Variants in EXT1 observed in about 807,000 individuals in gnomAD.
EXT1 encodes exostosin-1.
In EXT1, 20 loss-of-function variants were observed where a neutral mutation model predicts 82.5. The observed-to-expected ratio is 0.24, with a 90% confidence interval of 0.17 to 0.35. The LOEUF is 0.35. Among genes scored for constraint, EXT1 ranks in the 10% least tolerant of loss-of-function variants. EXT1 has a pLI of 1.00. For synonymous variants in EXT1, 348 were observed against 350.8 expected (o/e 0.99, Z 0.09); for missense variants, 757 against 936.5 (o/e 0.81, Z 2.50).
In EXT1 at chr8:117,812,889, C is replaced by T. The variant is rs1428345482; in HGVS notation, c.1705G>A (p.Val569Met). 8 of 1,614,034 alleles carry T rather than the reference C, an allele frequency of 5.0e-6. No homozygotes were observed. The South Asian group carries it at 8.8e-5, about 18-fold the overall frequency. ...DAVLSLDEDT[V>M]LSTTEVDFAF... is the part of the protein sequence containing the mutation. The stretch of plus-strand genomic sequence containing the variant: ...GTTCTTACCTCTGTTGTTGAAAGCA[C>T]CGTGTCCTCGTCAAGGCTGAGCACG... The change falls in exon 8 of 11, where the codon GTG becomes ATG. Residue 569 changes from valine to methionine, a missense_variant. Transcript: ENST00000378204.
At chr8:117,802,474 G>C (rs1208715184) in intron 10 of EXT1, among the ~76,000 whole-genome samples, 1 of 152,038 alleles carries the variant, frequency 6.6e-6, no homozygotes, top group African/African-American at 2.4e-5. Context: ...GAAATGTTTA[G>C]ATACACAAAT....
intron 1 of EXT1, among the ~76,000 whole-genome samples, chr8:117,981,756 T>A (rs1815208700): frequency 6.7e-6 from 1 of 149,226 alleles, no homozygotes; most frequent in South Asian, 2.1e-4. Flanking sequence ...CAGGCACCTA[T>A]AATCCCAGCT....
chr8:117,820,997 C>G lies in EXT1; in HGVS notation c.1418-1203G>C, dbSNP rs1215908968. On this transcript the variant is annotated intron_variant, in intron 5 of 10. Coordinates refer to ENST00000378204, the MANE Select transcript of EXT1 (RefSeq NM_000127.3). Reference sequence around the variant, plus strand: ...AGACAGAAGTGAGATGGCTTCCCCCCAAGGAGTTTTCCCATAAGAACTCAC... The same window carrying G: ...AGACAGAAGTGAGATGGCTTCCCCCGAAGGAGTTTTCCCATAAGAACTCAC... 2.0e-5 allele frequency among the ~76,000 whole-genome samples: 3 copies of G among 152,164 alleles called. No homozygotes were observed. In the South Asian group the frequency reaches 6.2e-4, roughly 31 times the overall value.
chr8:117,925,254 A>G (rs909857440), intron 1 of EXT1, among the ~76,000 whole-genome samples: 3 of 152,180 alleles, frequency 2.0e-5, no homozygotes, highest in African/African-American at 7.2e-5. Flanking sequence ...GATCTGTGAC[A>G]ACAGGAGCTG....
intron 1 of EXT1, among the ~76,000 whole-genome samples, chr8:117,844,496 C>T (rs1356779616): frequency 6.6e-6 from 1 of 152,032 alleles, no homozygotes; most frequent in Admixed American, 6.6e-5. Context: ...TTACAGCATG[C>T]AGTCGTACGG....
chr8:117,804,684 G>C (rs1411705631), intron 10 of EXT1, 38 bp downstream of exon 10: 1 of 1,612,096 alleles, frequency 6.2e-7, no homozygotes, highest in East Asian at 2.2e-5. Flanking sequence ...TGAACCACCA[G>C]TGAGTGAAGC....
intron 9 of EXT1, among the ~76,000 whole-genome samples, chr8:117,805,854 C>A (rs1823228876): frequency 6.6e-6 from 1 of 152,154 alleles, no homozygotes. Context: ...CTTTAAAGAC[C>A]AAATATATGC....
At chr8:117,930,387 T>C (rs915110806) in intron 1 of EXT1, among the ~76,000 whole-genome samples, 5 of 148,114 alleles carry the variant, frequency 3.4e-5, no homozygotes, top group African/African-American at 1.3e-4. Flanking sequence ...ACTTTATTCA[T>C]ATATCAAAAA....
chr8:117,995,758 C>T (rs1326018913), intron 1 of EXT1, among the ~76,000 whole-genome samples: 1 of 152,128 alleles, frequency 6.6e-6, no homozygotes, highest in Admixed American at 6.5e-5. Flanking sequence ...CTCTGCTTAC[C>T]ATGTATTATC....
At chr8:117,808,402 G>A (rs1265881700) in intron 8 of EXT1, among the ~76,000 whole-genome samples, 2 of 152,178 alleles carry the variant, frequency 1.3e-5, no homozygotes, top group South Asian at 2.1e-4. Context: ...TAAGATATAA[G>A]TTCAAGTAAT....
intron 1 of EXT1, among the ~76,000 whole-genome samples, chr8:117,853,213 G>T (rs1812485066): frequency 6.6e-6 from 1 of 152,160 alleles, no homozygotes. Context: ...GCAAAACAAA[G>T]GTTAGGACTC....
intron 1 of EXT1, among the ~76,000 whole-genome samples, chr8:117,916,839 A>C (rs1813763079): frequency 6.6e-6 from 1 of 152,110 alleles, no homozygotes; most frequent in African/African-American, 2.4e-5. Flanking sequence ...TCCAGAAGGC[A>C]GAGGTTGCCT....
rs1364178278 is a variant in EXT1, at chr8:117,830,229, C to T, written c.1284+1G>A. 1 of 1,613,816 alleles carries T rather than the reference C, an allele frequency of 6.2e-7. No individual in the cohort carries two copies. Among genetic ancestry groups the T allele is most frequent in the Non-Finnish European group, 8.5e-7 (1 of 1,179,964 alleles). ...CCCAAGAGCCAAGTGGTCTCACTTA[C>T]CTCTAGTGTAGTTAATACAATCTTC... is the stretch of plus-strand genomic sequence containing the variant. On this transcript the variant is annotated splice_donor_variant, in intron 4 of 10. Coordinates refer to ENST00000378204, the MANE Select transcript of EXT1 (RefSeq NM_000127.3). LOFTEE classifies it high-confidence loss of function.
chr8:117,818,478 G>C lies in EXT1; in HGVS notation c.1589C>G (p.Pro530Arg), dbSNP rs762747719. Residue 530 changes from proline (P) to arginine (R), a missense_variant, in exon 7 of 11, where the codon CCT (proline) becomes CGT (arginine). Pro to Arg is a moderately radical substitution (Grantham distance 103). This residue lies in a region of EXT1 where 207 missense variants were observed against 224.2 expected (regional missense o/e 0.92). Coordinates refer to ENST00000378204, the MANE Select transcript of EXT1 (RefSeq NM_000127.3). ...GACGACGACAGGCACAGCAGTGGCA[G>C]GCCAGCGGTGTTTGGCTGGTAGGGG... ...DKPLPAKHRWPATAVPVVVIE... is the reference protein window; with the variant it reads ...DKPLPAKHRWRATAVPVVVIE... 1 of 1,614,140 alleles carries C rather than the reference G, an allele frequency of 6.2e-7. No individual in the cohort carries two copies. Among genetic ancestry groups the C allele is most frequent in the South Asian group, 1.1e-5 (1 of 91,084 alleles).
At chr8:117,991,609 T>C (rs1051040312) in intron 1 of EXT1, among the ~76,000 whole-genome samples, 1 of 152,196 alleles carries the variant, frequency 6.6e-6, no homozygotes, top group Admixed American at 6.5e-5. Flanking sequence ...TCACCTAGGC[T>C]GGAGCGCAGT....
chr8:117,972,485 T>A (rs1814963218), intron 1 of EXT1, among the ~76,000 whole-genome samples: 1 of 152,162 alleles, frequency 6.6e-6, no homozygotes, highest in African/African-American at 2.4e-5. Flanking sequence ...TGAAGAGGTG[T>A]CAGGAGAGCA....
chr8:117,850,587 T>TA (rs541277606), intron 1 of EXT1, among the ~76,000 whole-genome samples: 42 of 152,196 alleles, frequency 2.8e-4, no homozygotes, highest in Non-Finnish European at 3.4e-4. Context: ...TGTAGTGCCA[T>TA]AAAAAATGGA....
chr8:117,928,363 A>T (rs1045615417), intron 1 of EXT1, among the ~76,000 whole-genome samples: 2 of 152,222 alleles, frequency 1.3e-5, no homozygotes, highest in Non-Finnish European at 2.9e-5. Flanking sequence ...GGCATGTAAC[A>T]AATATTTGGT....
At chr8:117,840,797 A>G (rs1812263528) in intron 1 of EXT1, among the ~76,000 whole-genome samples, 1 of 152,232 alleles carries the variant, frequency 6.6e-6, no homozygotes, top group African/African-American at 2.4e-5. Flanking sequence ...AGTGCTGCTA[A>G]ACACATGAAA....
Sources: gnomAD v4.1 joint callset for allele counts (sites outside exome capture counted in the v4.1 genomes callset) on GRCh38, gnomAD v4.1.1 for gene constraint, gnomAD v4.1.1 regional missense constraint, MANE v1.5 for transcripts, NCBI Gene and HGNC (gene_info 2026-07-23, HGNC 2026-07-21) for gene names.